The following WDFY3 variants were observed in gnomAD, a reference collection of about 807,000 sequenced individuals.
WDFY3 encodes the protein WD repeat and FYVE domain-containing protein 3.
In WDFY3, 66 loss-of-function variants were observed where a neutral mutation model predicts 409.6. That is an observed-to-expected ratio of 0.16 (90% CI 0.13 to 0.20). WDFY3 has a LOEUF of 0.20. WDFY3 is among the 10% of genes least tolerant of loss of function. WDFY3 has a pLI of 1.00. For synonymous variants in WDFY3, 1,521 were observed against 1,537.1 expected (o/e 0.99, Z 0.25); for missense variants, 3,031 against 4,298.1 (o/e 0.71, Z 8.24).
In WDFY3 at chr4:84,765,956, G is replaced by T; in HGVS notation, c.5042C>A (p.Ser1681Tyr). Reference protein sequence around the residue: ...IMMFMEEHLHSTTVTAAMRIL... With the variant: ...IMMFMEEHLHYTTVTAAMRIL... ...CCTCATGGCTGCTGTAACTGTGGTG[G>T]AATGTAAGTGTTCCTCCATAAACAT... The change falls in exon 32 of 68, where the codon TCC (serine) becomes TAC (tyrosine). Residue 1681 changes from serine to tyrosine, a missense_variant. Ser to Tyr is a moderately radical substitution (Grantham distance 144, BLOSUM62 -2). This residue lies in a region of WDFY3 where 342 missense variants were observed against 463.7 expected (regional missense o/e 0.74). Transcript: ENST00000295888. The T allele has an allele frequency of 6.2e-7, 1 of 1,613,962 alleles. No individual in the cohort carries two copies. The highest frequency in any genetic ancestry group is 1.1e-5 in the South Asian group (1 of 91,080).
intron 3 of WDFY3, among the ~76,000 whole-genome samples, chr4:84,879,723 T>C (rs917418674): frequency 6.6e-6 from 1 of 151,872 alleles, no homozygotes; most frequent in African/African-American, 2.4e-5. Flanking sequence ...ATTTGCAACA[T>C]CTATAATGAA....
chr4:84,715,355 T>C lies in WDFY3; in HGVS notation c.7904A>G (p.Asp2635Gly). The C allele has an allele frequency of 6.2e-7, 1 of 1,609,790 alleles. No homozygotes were observed. Among genetic ancestry groups the C allele is most frequent in the Non-Finnish European group, 8.5e-7 (1 of 1,176,588 alleles). ...QPIAVEVFSG[D>G]GRNYLLAFQK... The stretch of plus-strand genomic sequence containing the variant: ...AAAAGCAAGGAGGTAATTCCGTCCA[T>C]CTCCAGAGAAAACTTCCACAGCAAT... The change falls in exon 50 of 68, where the codon GAT becomes GGT. Residue 2635 changes from aspartate (D) to glycine (G), a missense_variant. Asp to Gly is a moderately conservative substitution (Grantham distance 94). Coordinates refer to ENST00000295888, the MANE Select transcript of WDFY3 (RefSeq NM_014991.6).
At position 84,850,928 on chromosome 4, in the gene WDFY3, G is replaced by GTTTTTTTTTTTTTTTTTTT. The variant is rs869074191; in HGVS notation, c.181-922_181-904dup. On this transcript the variant is annotated intron_variant, in intron 4 of 67. Transcript: ENST00000295888. ...TTCTTATTTTTAATTTTATTTATCTGTTTTTTTTTTTTTTTTTTTTTTTTT... is the reference window on the plus strand; with the variant it reads ...TTCTTATTTTTAATTTTATTTATCTGTTTTTTTTTTTTTTTTTTTTTTTTTTTTTTTTTTTTTTTTTTTT... Among the ~76,000 whole-genome samples the GTTTTTTTTTTTTTTTTTTT allele has an allele frequency of 3.5e-4, 16 of 46,246 alleles. 1 individual carries two copies. Among genetic ancestry groups the GTTTTTTTTTTTTTTTTTTT allele is most frequent in the Non-Finnish European group, 3.5e-4 (9 of 25,874 alleles). 30.3% of individuals were successfully genotyped at this position (46,246 alleles called of 152,430 possible).
intron 15 of WDFY3, among the ~76,000 whole-genome samples, chr4:84,806,603 A>G (rs1315437714): frequency 6.6e-6 from 1 of 151,844 alleles, no homozygotes; most frequent in Non-Finnish European, 1.5e-5. Context: ...TTCAATAAAT[A>G]GAAAGTTCTG....
At chr4:84,947,132 T>C (rs1041687851) in intron 1 of WDFY3, among the ~76,000 whole-genome samples, 1 of 151,814 alleles carries the variant, frequency 6.6e-6, no homozygotes, top group African/African-American at 2.4e-5. Context: ...TGATGGAATA[T>C]ATAAATTGAA....
At chr4:84,917,266 C>A (rs1768629064) in intron 2 of WDFY3, among the ~76,000 whole-genome samples, 1 of 152,072 alleles carries the variant, frequency 6.6e-6, no homozygotes, top group Non-Finnish European at 1.5e-5. Context: ...GGTCTGGTGC[C>A]AAGACCATTG....
intron 27 of WDFY3, among the ~76,000 whole-genome samples, chr4:84,776,837 G>C (rs1453420686): frequency 6.6e-6 from 1 of 152,060 alleles, no homozygotes; most frequent in Non-Finnish European, 1.5e-5. Context: ...GAAAATCACT[G>C]AAAGTCCTTG....
Position 84,825,621 on chromosome 4 carries a change from G to C in WDFY3, c.1123+1194C>G, listed in dbSNP as rs572440479. Among the ~76,000 whole-genome samples, 79 of 152,092 alleles carry C rather than the reference G, an allele frequency of 5.2e-4. No homozygotes were observed. In the South Asian group the frequency reaches 0.011, roughly 20 times the overall value. On this transcript the variant is annotated intron_variant, in intron 10 of 67. Transcript: ENST00000295888. The stretch of plus-strand genomic sequence containing the variant: ...ATTTAAAAGGTTCTAAACAACTTAT[G>C]TACTGAGGGCACATCATATTACACT...
chr4:84,744,778 G>A (rs1739092479), intron 36 of WDFY3, among the ~76,000 whole-genome samples: 2 of 147,212 alleles, frequency 1.4e-5, no homozygotes, highest in South Asian at 2.2e-4. Context: ...GCGTGAACCC[G>A]GGAGGCGGAG....
chr4:84,712,534 A>G, intron 51 of WDFY3, among the ~76,000 whole-genome samples: 1 of 152,034 alleles, frequency 6.6e-6, no homozygotes, highest in East Asian at 1.9e-4. Context: ...CAGCCTGACC[A>G]ACGTGGCAAA....
chr4:84,697,265 A>G (rs1485287650), intron 56 of WDFY3, among the ~76,000 whole-genome samples: 1 of 152,246 alleles, frequency 6.6e-6, no homozygotes. Flanking sequence ...TCCTGGACAC[A>G]GTCTACTGTA....
At chr4:84,909,479 C>G (rs1033387426) in intron 2 of WDFY3, among the ~76,000 whole-genome samples, 4 of 151,988 alleles carry the variant, frequency 2.6e-5, no homozygotes, top group Non-Finnish European at 4.4e-5. Flanking sequence ...AAAATGACAT[C>G]TAATGTTCTC....
At chr4:84,921,030 C>T (rs1188131965) in intron 2 of WDFY3, among the ~76,000 whole-genome samples, 1 of 151,586 alleles carries the variant, frequency 6.6e-6, no homozygotes, top group Non-Finnish European at 1.5e-5. Context: ...TTAATTTGTC[C>T]TAAATATAGG....
At position 84,857,907 on chromosome 4, in the gene WDFY3, T is replaced by C. The variant is rs143473787; in HGVS notation, c.180+2505A>G. On this transcript the variant is annotated intron_variant, in intron 4 of 67. Coordinates refer to ENST00000295888, the MANE Select transcript of WDFY3 (RefSeq NM_014991.6). ...CTTGCCCTTCTGCCTTACCAGCCTA[T>C]ACAAACCTCAATCTCAATAAATCAG... Among the ~76,000 whole-genome samples, 421 of 152,294 alleles carry C rather than the reference T, an allele frequency of 2.8e-3. 2 individuals are homozygous for C. Among genetic ancestry groups the C allele is most frequent in the African/African-American group, 9.9e-3 (410 of 41,566 alleles).
At chr4:84,716,712 T>C (rs1734002884) in intron 49 of WDFY3, among the ~76,000 whole-genome samples, 184 bp downstream of exon 49, 1 of 151,570 alleles carries the variant, frequency 6.6e-6, no homozygotes, top group African/African-American at 2.4e-5. Context: ...GGCAGGAGAA[T>C]GGTGTGAACC....
At chr4:84,811,466 C>A (rs1455142111) in intron 13 of WDFY3, among the ~76,000 whole-genome samples, 1 of 152,080 alleles carries the variant, frequency 6.6e-6, no homozygotes, top group Non-Finnish European at 1.5e-5. Flanking sequence ...GGAATTGAGG[C>A]CCAATGTGGT....
intron 13 of WDFY3, among the ~76,000 whole-genome samples, chr4:84,815,020 G>GT (rs1753081058): frequency 6.6e-6 from 1 of 151,954 alleles, no homozygotes; most frequent in African/African-American, 2.4e-5. Flanking sequence ...TAATAAACTT[G>GT]TTTGTTTTTC....
chr4:84,781,223 TAA>T lies in WDFY3; in HGVS notation c.4175-927_4175-926del, dbSNP rs113154819. Among the ~76,000 whole-genome samples the T allele has an allele frequency of 4.5e-3, 659 of 145,422 alleles. 5 individuals are homozygous for T. Among genetic ancestry groups the T allele is most frequent in the African/African-American group, 0.015 (615 of 40,246 alleles). On this transcript the variant is annotated intron_variant, in intron 25 of 67. Coordinates refer to ENST00000295888, the MANE Select transcript of WDFY3 (RefSeq NM_014991.6). ...CACAGTCCTGGAACTGTGTGCCAAT[TAA>T]AAAAAAAAAAATCACACCTACATTC...
chr4:84,775,198 C>G, intron 27 of WDFY3, 60 bp from the exon 28 acceptor site: 2 of 1,355,462 alleles, frequency 1.5e-6, no homozygotes, highest in Non-Finnish European at 2.1e-6. Context: ...AATGCCAAAC[C>G]AACAAACACC....
Sources: allele counts gnomAD v4.1 joint callset (sites outside exome capture counted in the v4.1 genomes callset), GRCh38; gene constraint gnomAD v4.1.1; regional missense constraint gnomAD v4.1.1; transcripts MANE v1.5; gene names NCBI Gene and HGNC (gene_info 2026-07-23, HGNC 2026-07-21).